Variants in FMNL2 observed in about 807,000 individuals in gnomAD.
FMNL2 encodes formin like 2.
A neutral mutation model predicts 130.2 loss-of-function variants in FMNL2; 51 were observed. The ratio of observed to expected loss-of-function variants is 0.39; its 90% CI spans 0.31 to 0.49. The LOEUF (loss-of-function observed/expected upper bound fraction) is 0.49, where lower values mean the gene tolerates loss of function less well. FMNL2 is among the 20% of genes least tolerant of loss of function. The pLI, the probability that FMNL2 is intolerant of heterozygous loss-of-function variation, is 0.85. For missense variants in FMNL2, 977 were observed against 1,316.2 expected (o/e 0.74, Z 3.99); for synonymous variants, 465 against 467.1 (o/e 1.00, Z 0.06).
chr2:152,365,186 C>T (rs142400421), intron 1 of FMNL2, among the ~76,000 whole-genome samples: 8 of 151,948 alleles, frequency 5.3e-5, no homozygotes, highest in East Asian at 3.9e-4. Flanking sequence ...CAGAGATTGA[C>T]GAGGAATTAG....
intron 1 of FMNL2, among the ~76,000 whole-genome samples, chr2:152,342,176 C>G (rs1156730673): frequency 6.6e-6 from 1 of 152,190 alleles, no homozygotes; most frequent in Admixed American, 6.5e-5. Context: ...CAGTGCTCTT[C>G]TTTTTCATAT....
chr2:152,353,423 C>CA (rs1682614485), intron 1 of FMNL2, among the ~76,000 whole-genome samples: 1 of 152,158 alleles, frequency 6.6e-6, no homozygotes, highest in Non-Finnish European at 1.5e-5. Flanking sequence ...GAATCTACCC[C>CA]AAAGGCAGTC....
In FMNL2 at chr2:152,604,088, A is replaced by G. The variant is rs142756600; in HGVS notation, c.877-3251A>G. Among the ~76,000 whole-genome samples the G allele has an allele frequency of 1.0e-3, 157 of 151,094 alleles. 1 individual carries two copies. Among genetic ancestry groups the G allele is most frequent in the African/African-American group, 3.7e-3 (154 of 41,476 alleles). ...TGGAAGTTTCTGGTGCAGGGATGTC[A>G]AAGTATGCATGGTATAATGACTATG... is the stretch of plus-strand genomic sequence containing the variant. On this transcript the variant is annotated intron_variant, in intron 9 of 25. Coordinates refer to ENST00000288670, the MANE Select transcript of FMNL2 (RefSeq NM_052905.4).
intron 12 of FMNL2, 128 bp downstream of exon 12, chr2:152,615,128 A>G (rs956422599): frequency 3.2e-6 from 3 of 932,714 alleles, no homozygotes; most frequent in Middle Eastern, 3.3e-4. Flanking sequence ...CCTGCAAGAG[A>G]GAGCTATCAG....
chr2:152,478,250 A>ATAT (rs1269557250), intron 1 of FMNL2, among the ~76,000 whole-genome samples: 8 of 92,114 alleles, frequency 8.7e-5, no homozygotes, highest in African/African-American at 1.7e-4. Context: ...ATATATATAT[A>ATAT]TTTTTTTTTT....
At chr2:152,590,514 T>G (rs1313050291) in intron 9 of FMNL2, among the ~76,000 whole-genome samples, 3 of 151,918 alleles carry the variant, frequency 2.0e-5, no homozygotes, top group African/African-American at 7.3e-5. Context: ...CTCGGGAGGC[T>G]GAGGCAGGAG....
Position 152,335,574 on chromosome 2 carries a change from A to G in FMNL2, c.-30A>G. The G allele has an allele frequency of 6.5e-7, 1 of 1,549,414 alleles. No homozygotes were observed. Among genetic ancestry groups the G allele is most frequent in the South Asian group, 1.1e-5 (1 of 88,030 alleles). ...TCCGACGCGCACGCTAGGGGCCCGG[A>G]GCAGCCCCCGGCCCCGGCGCGCCGC... On this transcript the variant is annotated 5_prime_UTR_variant, in exon 1 of 26. Coordinates refer to ENST00000288670, the MANE Select transcript of FMNL2 (RefSeq NM_052905.4).
intron 25 of FMNL2, among the ~76,000 whole-genome samples, chr2:152,642,538 GC>G (rs770055290): frequency 1.3e-5 from 2 of 152,148 alleles, no homozygotes; most frequent in Non-Finnish European, 2.9e-5. Context: ...GCTTATAGAT[GC>G]CCCCCAGATA....
intron 1 of FMNL2, among the ~76,000 whole-genome samples, chr2:152,362,884 AC>A (rs1341744588): frequency 1.3e-5 from 2 of 152,322 alleles, no homozygotes; most frequent in East Asian, 3.9e-4. Context: ...GATGCATGCT[AC>A]AACACGGTGA....
chr2:152,466,930 C>T (rs921989475), intron 1 of FMNL2, among the ~76,000 whole-genome samples: 4 of 152,152 alleles, frequency 2.6e-5, no homozygotes, highest in Non-Finnish European at 4.4e-5. Flanking sequence ...TCCTAATAAG[C>T]CTGCACCGAT....
rs115838210 is a variant in FMNL2, at chr2:152,511,132, G to C, written c.118-10811G>C. The stretch of plus-strand genomic sequence containing the variant: ...CAACATTTTCAGGAACCACCACACT[G>C]ATTTCCATAGTAGGTGTACCATTTT... On this transcript the variant is annotated intron_variant, in intron 1 of 25. Coordinates refer to ENST00000288670, the MANE Select transcript of FMNL2 (RefSeq NM_052905.4). Among the ~76,000 whole-genome samples, 310 of 152,300 alleles carry C rather than the reference G, an allele frequency of 2.0e-3. 2 individuals are homozygous for C. Among genetic ancestry groups the C allele is most frequent in the African/African-American group, 6.9e-3 (288 of 41,566 alleles).
chr2:152,644,246 C>T (rs751019203), intron 25 of FMNL2, among the ~76,000 whole-genome samples: 12 of 152,158 alleles, frequency 7.9e-5, no homozygotes, highest in South Asian at 4.1e-4. Context: ...AAAAACAAAA[C>T]ATACTGTTCT....
chr2:152,492,448 C>A (rs185406771), intron 1 of FMNL2, among the ~76,000 whole-genome samples: 2 of 152,294 alleles, frequency 1.3e-5, no homozygotes, highest in Admixed American at 6.5e-5. Context: ...CAACTCAGTT[C>A]TCAATAATAG....
chr2:152,463,926 TTGTGTGTGTGTA>T (rs1202074784), intron 1 of FMNL2, among the ~76,000 whole-genome samples: 1 of 152,032 alleles, frequency 6.6e-6, no homozygotes, highest in Non-Finnish European at 1.5e-5. Context: ...CTTTCTTCCT[TTGTGTGTGTGTA>T]TGTGTGTGTT....
At chr2:152,370,952 G>A (rs762448185) in intron 1 of FMNL2, among the ~76,000 whole-genome samples, 20 of 152,164 alleles carry the variant, frequency 1.3e-4, no homozygotes, top group Admixed American at 3.3e-4. Flanking sequence ...TTACTTCAGA[G>A]GTGTCTCGCT....
chr2:152,430,647 C>T (rs897513675), intron 1 of FMNL2, among the ~76,000 whole-genome samples: 11 of 152,180 alleles, frequency 7.2e-5, no homozygotes, highest in Admixed American at 3.9e-4. Flanking sequence ...CCGAGGTGGG[C>T]GGATTGCCTG....
chr2:152,501,736 G>A (rs1307912954), intron 1 of FMNL2, among the ~76,000 whole-genome samples: 1 of 151,068 alleles, frequency 6.6e-6, no homozygotes, highest in East Asian at 1.9e-4. Flanking sequence ...GTAATTAATT[G>A]CCAAGACTCC....
intron 1 of FMNL2, among the ~76,000 whole-genome samples, chr2:152,357,678 A>T (rs1167590511): frequency 6.8e-6 from 1 of 147,124 alleles, no homozygotes; most frequent in Non-Finnish European, 1.5e-5. Flanking sequence ...TTTAATGTAT[A>T]ACTATATATT....
chr2:152,605,317 TGC>T (rs888092496), intron 9 of FMNL2, among the ~76,000 whole-genome samples: 15 of 146,944 alleles, frequency 1.0e-4, no homozygotes, highest in Non-Finnish European at 1.9e-4. Context: ...CGTGTGTGTG[TGC>T]GTGTGTGTGT....
Sources: gnomAD v4.1 joint callset for allele counts (sites outside exome capture counted in the v4.1 genomes callset) on GRCh38, gnomAD v4.1.1 for gene constraint, MANE v1.5 for transcripts, NCBI Gene and HGNC (gene_info 2026-07-23, HGNC 2026-07-21) for gene names.